SUCO: variants seen among roughly 807,000 people sequenced by gnomAD.
SUCO encodes SUN domain containing ossification factor, also known as SUN domain-containing ossification factor.
SUCO carries 57 observed loss-of-function variants against 148.1 expected under a neutral mutation model. The ratio of observed to expected loss-of-function variants is 0.38; its 90% confidence interval spans 0.31 to 0.48. SUCO has a LOEUF of 0.48. Among genes scored for constraint, SUCO ranks in the 20% least tolerant of loss-of-function variants. The pLI, the probability that SUCO is intolerant of heterozygous loss-of-function variation, is 0.96. For synonymous variants in SUCO, 470 were observed against 502.7 expected, an observed-to-expected ratio of 0.93 and a Z score of 0.87; for missense variants, 1,331 against 1,468.2, an observed-to-expected ratio of 0.91 and a Z score of 1.53.
chr1:172,608,036 A>C (rs182839100), intron 22 of SUCO: 2 of 975,244 alleles, frequency 2.1e-6, no homozygotes, highest in Non-Finnish European at 2.4e-6. Context: ...ATGTGTGTCT[A>C]TTTTGTCAGT....
At chr1:172,589,963 A>G in intron 18 of SUCO, 37 bp downstream of exon 18, 6 of 1,467,376 alleles carry the variant, frequency 4.1e-6, no homozygotes, top group East Asian at 2.3e-5. Context: ...TCAGCTTCAC[A>G]CAGTGAGTTA....
chr1:172,597,727 G>A (rs982334776), intron 19 of SUCO, among the ~76,000 whole-genome samples: 4 of 151,908 alleles, frequency 2.6e-5, no homozygotes, highest in Admixed American at 6.6e-5. Context: ...AGTGTGATAT[G>A]TGTGTTGTCA....
At chr1:172,572,950 A>G (rs1397697872) in intron 9 of SUCO, among the ~76,000 whole-genome samples, 1 of 152,102 alleles carries the variant, frequency 6.6e-6, no homozygotes, top group Non-Finnish European at 1.5e-5. Flanking sequence ...TGCACATGGA[A>G]CCATGCTTTT....
chr1:172,562,442 T>G (rs1457012858), intron 6 of SUCO, among the ~76,000 whole-genome samples: 1 of 152,052 alleles, frequency 6.6e-6, no homozygotes, highest in East Asian at 1.9e-4. Flanking sequence ...CAAGTGATTC[T>G]CTTGCCTCAG....
chr1:172,596,823 G>A (rs1015777091), intron 19 of SUCO, among the ~76,000 whole-genome samples: 6 of 152,180 alleles, frequency 3.9e-5, no homozygotes, highest in African/African-American at 1.2e-4. Context: ...GCTGTCAGAC[G>A]GGGACGTTTA....
chr1:172,589,102 A>T lies in SUCO; in HGVS notation c.2001A>T (p.Leu667=). The T allele has an allele frequency of 1.9e-6, 3 of 1,613,446 alleles. No homozygotes were observed. Among genetic ancestry groups the T allele is most frequent in the Non-Finnish European group, 2.5e-6 (3 of 1,179,646 alleles). Residue 667 remains leucine, a synonymous_variant, in exon 18 of 24, where the codon CTA becomes CTT. Coordinates refer to ENST00000263688, the MANE Select transcript of SUCO (RefSeq NM_014283.5). ...DYLVLAQPPL[L]LPAESVDVSV... Reference sequence around the variant, plus strand: ...TTGTGTTAGCTCAACCACCCTTACTACTTCCTGCGGAATCAGTAGATGTTT... The same window carrying T: ...TTGTGTTAGCTCAACCACCCTTACTTCTTCCTGCGGAATCAGTAGATGTTT...
At chr1:172,538,100 A>G (rs1652161346) in intron 1 of SUCO, among the ~76,000 whole-genome samples, 1 of 152,206 alleles carries the variant, frequency 6.6e-6, no homozygotes, top group Non-Finnish European at 1.5e-5. Context: ...GAGGATGAGT[A>G]AGTGAAGTGG....
rs1655269333 is a variant in SUCO, at chr1:172,574,385, T to A, written c.1157+387T>A. Among the ~76,000 whole-genome samples the A allele has an allele frequency of 2.0e-5, 3 of 152,100 alleles. No individual in the cohort carries two copies. In the South Asian group the frequency reaches 6.2e-4, roughly 31 times the overall value. On this transcript the variant is annotated intron_variant, in intron 10 of 23. Coordinates refer to ENST00000263688, the MANE Select transcript of SUCO (RefSeq NM_014283.5). ...TCTAAACATTTCTTTTAAAAGTTGT[T>A]AAAAACATACATGTGTAGGTGCTTT...
intron 6 of SUCO, among the ~76,000 whole-genome samples, chr1:172,562,063 A>G (rs922335228): frequency 6.6e-6 from 1 of 152,132 alleles, no homozygotes; most frequent in African/African-American, 2.4e-5. Context: ...AATAAGTTAC[A>G]CATCAATAAA....
chr1:172,570,784 T>A, intron 9 of SUCO, 54 bp downstream of exon 9: 1 of 1,086,040 alleles, frequency 9.2e-7, no homozygotes. Context: ...GCATATTATG[T>A]TAAGCTTTTA....
intron 22 of SUCO, chr1:172,607,951 T>C: frequency 3.4e-6 from 1 of 290,366 alleles, no homozygotes; most frequent in Non-Finnish European, 5.1e-6. Context: ...ATGTGTAAGC[T>C]TTTGTCTCTG....
At chr1:172,595,269 G>A (rs1357658557) in intron 19 of SUCO, among the ~76,000 whole-genome samples, 1 of 152,074 alleles carries the variant, frequency 6.6e-6, no homozygotes, top group Non-Finnish European at 1.5e-5. Context: ...GGAGCTTTTA[G>A]CCCATTTACA....
chr1:172,586,948 C>T lies in SUCO; in HGVS notation c.1658+1000C>T, dbSNP rs1043859542. Among the ~76,000 whole-genome samples the T allele has an allele frequency of 5.3e-5, 8 of 152,030 alleles. No homozygotes were observed. In the East Asian group the frequency reaches 7.7e-4, roughly 15 times the overall value. ...CTAAGAAATCTATTGGGGATAGAGA[C>T]ATTCTTGGTGTTTCTAATTATGTGG... On this transcript the variant is annotated intron_variant, in intron 17 of 23. Transcript: ENST00000263688.
At chr1:172,594,481 CTT>C (rs1430506745) in intron 19 of SUCO, among the ~76,000 whole-genome samples, 1 of 152,144 alleles carries the variant, frequency 6.6e-6, no homozygotes, top group Non-Finnish European at 1.5e-5. Flanking sequence ...TATGTTGTGT[CTT>C]TGTTCTCATT....
chr1:172,571,049 T>C (rs1046861726), intron 9 of SUCO, among the ~76,000 whole-genome samples: 3 of 152,220 alleles, frequency 2.0e-5, no homozygotes, highest in Non-Finnish European at 4.4e-5. Flanking sequence ...ATTCCTGAGC[T>C]GAATCTTGAA....
chr1:172,551,436 A>G, intron 1 of SUCO, 76 bp from the exon 2 acceptor site: 3 of 850,222 alleles, frequency 3.5e-6, no homozygotes, highest in Non-Finnish European at 5.6e-6. Context: ...ATATAGAAAT[A>G]TGTTGACTTA....
chr1:172,532,983 G>C, upstream of SUCO: 2 of 1,389,396 alleles, frequency 1.4e-6, no homozygotes, highest in South Asian at 3.0e-5. Flanking sequence ...CTGCGCAGAG[G>C]CTGGTGGGGG....
chr1:172,605,341 G>A (rs1657801091), intron 22 of SUCO, among the ~76,000 whole-genome samples: 1 of 151,832 alleles, frequency 6.6e-6, no homozygotes. Context: ...TTTGTATATA[G>A]TATAAGATAA....
intron 22 of SUCO, 77 bp from the exon 23 acceptor site, chr1:172,608,670 T>C: frequency 2.1e-6 from 2 of 935,162 alleles, no homozygotes; most frequent in South Asian, 1.4e-5. Flanking sequence ...ATTTGTCTTA[T>C]TTTAGTGTTT....
Sources: allele counts gnomAD v4.1 joint callset (sites outside exome capture counted in the v4.1 genomes callset), GRCh38; gene constraint gnomAD v4.1.1; transcripts MANE v1.5; gene names NCBI Gene and HGNC (gene_info 2026-07-23, HGNC 2026-07-21).